The following YAP1 variants were observed in gnomAD, a reference collection of about 807,000 sequenced individuals.
The protein encoded by YAP1 is transcriptional coactivator YAP1.
A neutral mutation model predicts 56.9 loss-of-function variants in YAP1; 5 were observed. The observed-to-expected ratio is 0.09, with a 90% CI of 0.05 to 0.18. The LOEUF is 0.18. YAP1 is among the 10% of genes least tolerant of loss of function. YAP1 has a pLI of 1.00. For synonymous variants in YAP1, 265 were observed against 248.1 expected (o/e 1.07, Z -0.64); for missense variants, 539 against 651.8 (o/e 0.83, Z 1.88).
At chr11:102,148,531 A>G (rs888729707) in intron 2 of YAP1, among the ~76,000 whole-genome samples, 1 of 152,190 alleles carries the variant, frequency 6.6e-6, no homozygotes, top group African/African-American at 2.4e-5. Flanking sequence ...TTTGGATGGC[A>G]TTAATGTGCC....
intron 5 of YAP1, 25 bp downstream of exon 5, chr11:102,206,099 C>A (rs1241195302): frequency 1.3e-6 from 2 of 1,590,448 alleles, no homozygotes; most frequent in Non-Finnish European, 1.7e-6. Context: ...TAGAAACCAG[C>A]CTTCCACTTT....
intron 2 of YAP1, among the ~76,000 whole-genome samples, chr11:102,156,183 A>G (rs2135373014): frequency 6.6e-6 from 1 of 152,322 alleles, no homozygotes; most frequent in South Asian, 2.1e-4. Flanking sequence ...TTTGTTCAGG[A>G]ATGTCAGTTT....
chr11:102,162,319 G>T, intron 2 of YAP1, 137 bp from the exon 3 acceptor site: 1 of 643,524 alleles, frequency 1.6e-6, no homozygotes, highest in South Asian at 2.0e-5. Context: ...GAGGGAGGCT[G>T]GTGGGAGCAG....
chr11:102,228,566 C>CGGA (rs1386734528), intron 8 of YAP1, among the ~76,000 whole-genome samples: 2 of 131,612 alleles, frequency 1.5e-5, no homozygotes, highest in Admixed American at 9.2e-5. Context: ...ACCCGGGAGG[C>CGGA]GGAGGTTGCA....
In YAP1 at chr11:102,229,784, G is replaced by C. The variant is rs1469411940; in HGVS notation, c.1359G>C (p.Val453=). 1 of 1,614,124 alleles carries C rather than the reference G, an allele frequency of 6.2e-7. No individual in the cohort carries two copies. The highest frequency in any genetic ancestry group is 1.7e-5 in the Admixed American group (1 of 60,018). The change falls in exon 9 of 9, where the codon GTG becomes GTC. Residue 453 remains valine (V), a synonymous_variant. Coordinates refer to ENST00000282441, the MANE Select transcript of YAP1 (RefSeq NM_001130145.3). ...TTGAAGCCATTCCTGGGACAAATGT[G>C]GACCTTGGAACACTGGAAGGAGATG... ...DYLEAIPGTN[V]DLGTLEGDGM... is the part of the protein sequence containing the mutation.
chr11:102,175,475 A>C (rs1396356334), intron 3 of YAP1, among the ~76,000 whole-genome samples: 1 of 152,222 alleles, frequency 6.6e-6, no homozygotes, highest in Non-Finnish European at 1.5e-5. Context: ...ATTTTCCCAT[A>C]TTCGGCTTAT....
chr11:102,175,423 C>G (rs1191502743), intron 3 of YAP1, among the ~76,000 whole-genome samples: 1 of 152,052 alleles, frequency 6.6e-6, no homozygotes, highest in Non-Finnish European at 1.5e-5. Flanking sequence ...TTTCTTTTAC[C>G]AAAACTTGAT....
rs747081306 is a variant in YAP1, at chr11:102,110,881, G to A, written c.33G>A (p.Pro11=). The A allele has an allele frequency of 5.6e-6, 8 of 1,420,554 alleles. No individual in the cohort carries two copies. In the South Asian group the frequency reaches 1.0e-4, roughly 18 times the overall value. The allele number at this position is 1,420,554 out of a possible 1,614,324, so 88.0% of individuals were successfully genotyped here. MDPGQQPPPQ[P]APQGQGQPPS... is the part of the protein sequence containing the mutation. The stretch of plus-strand genomic sequence containing the variant: ...CCGGGCAGCAGCCGCCGCCTCAACC[G>A]GCCCCCCAGGGCCAAGGGCAGCCGC... The change falls in exon 1 of 9, where the codon CCG becomes CCA. Residue 11 remains proline (P), a synonymous_variant. Coordinates refer to ENST00000282441, the MANE Select transcript of YAP1 (RefSeq NM_001130145.3).
At chr11:102,198,702 C>T (rs186102764) in intron 4 of YAP1, among the ~76,000 whole-genome samples, 194 of 152,122 alleles carry the variant, frequency 1.3e-3, no homozygotes, top group African/African-American at 4.4e-3. Flanking sequence ...CCTCAATTTA[C>T]GACATGTTCA....
intron 6 of YAP1, among the ~76,000 whole-genome samples, chr11:102,222,240 A>G (rs1437749083): frequency 6.6e-6 from 1 of 152,178 alleles, no homozygotes; most frequent in East Asian, 1.9e-4. Flanking sequence ...AGGATGACGG[A>G]GTCAGGCCAG....
intron 2 of YAP1, among the ~76,000 whole-genome samples, chr11:102,160,911 A>T (rs571608314): frequency 6.6e-6 from 1 of 152,234 alleles, no homozygotes; most frequent in Non-Finnish European, 1.5e-5. Flanking sequence ...CTTCCTCTTG[A>T]AAAAACAAGA....
At chr11:102,135,326 A>G (rs1337113432) in intron 2 of YAP1, among the ~76,000 whole-genome samples, 1 of 152,202 alleles carries the variant, frequency 6.6e-6, no homozygotes, top group Admixed American at 6.5e-5. Flanking sequence ...TATCTTACAA[A>G]TTTGTGAATT....
At chr11:102,173,963 T>TA (rs1258949104) in intron 3 of YAP1, among the ~76,000 whole-genome samples, 24 of 152,350 alleles carry the variant, frequency 1.6e-4, no homozygotes, top group African/African-American at 5.8e-4. Flanking sequence ...TAGTGCTTCT[T>TA]AATTTGTAAT....
rs2135733789 is a variant in YAP1, at chr11:102,231,000, T to TTA, written c.*1064_*1065dup. Reference sequence around the variant, plus strand: ...GCATTTAGAATACATGACTAGTAGTTTATATTTCACTGGTAGTTTAAATCT... The same window carrying TTA: ...GCATTTAGAATACATGACTAGTAGTTTATATATTTCACTGGTAGTTTAAATCT... On this transcript the variant is annotated 3_prime_UTR_variant, in exon 9 of 9. Coordinates refer to ENST00000282441, the MANE Select transcript of YAP1 (RefSeq NM_001130145.3). 1 of 152,352 alleles carries TTA rather than the reference T, an allele frequency of 6.6e-6. No individual in the cohort carries two copies. The highest frequency in any genetic ancestry group is 2.1e-4 in the South Asian group (1 of 4,830). The allele number at this position is 152,352 out of a possible 1,614,324, so 9.4% of individuals were successfully genotyped here.
Position 102,189,267 on chromosome 11 carries a change from A to G in YAP1, c.802+3136A>G, listed in dbSNP as rs148761952. 5.3e-5 allele frequency among the ~76,000 whole-genome samples: 8 copies of G among 152,224 alleles called. No homozygotes were observed. In the East Asian group the frequency reaches 1.5e-3, roughly 29 times the overall value. On this transcript the variant is annotated intron_variant, in intron 4 of 8. Coordinates refer to ENST00000282441, the MANE Select transcript of YAP1 (RefSeq NM_001130145.3). ...TTGTATGTTGTAGATCTATTACTGT[A>G]TATAATACAGTCATGGACATTTTCC...
chr11:102,128,823 ATTTCCAAGTTCTTCATC>A (rs1944197347), intron 2 of YAP1, among the ~76,000 whole-genome samples: 1 of 152,176 alleles, frequency 6.6e-6, no homozygotes. Flanking sequence ...TTCGTTTGCC[ATTTCCAAGTTCTTCATC>A]TAGTTAATAT....
intron 2 of YAP1, among the ~76,000 whole-genome samples, chr11:102,123,293 C>T (rs1943799580): frequency 1.3e-5 from 2 of 152,060 alleles, no homozygotes; most frequent in Non-Finnish European, 1.5e-5. Flanking sequence ...TTTTGCCCAC[C>T]TTGGAGCTAT....
chr11:102,190,378 C>T (rs1031473196), intron 4 of YAP1, among the ~76,000 whole-genome samples: 4 of 152,186 alleles, frequency 2.6e-5, no homozygotes, highest in African/African-American at 7.2e-5. Flanking sequence ...TGCCTGTAAT[C>T]CCAGCACTTT....
At position 102,192,851 on chromosome 11, in the gene YAP1, A is replaced by G. The variant is rs923844631; in HGVS notation, c.802+6720A>G. Among the ~76,000 whole-genome samples, 5 of 152,246 alleles carry G rather than the reference A, an allele frequency of 3.3e-5. No homozygotes were observed. The East Asian group carries it at 5.8e-4, about 18-fold the overall frequency. ...GTGGAATTACTTTTGAAGAGGAGAC[A>G]GGGAAATCTTCCAGCCTTTAATCTA... On this transcript the variant is annotated intron_variant, in intron 4 of 8. Coordinates refer to ENST00000282441, the MANE Select transcript of YAP1 (RefSeq NM_001130145.3).
Sources: gnomAD v4.1 joint callset for allele counts (sites outside exome capture counted in the v4.1 genomes callset) on GRCh38, gnomAD v4.1.1 for gene constraint, MANE v1.5 for transcripts, NCBI Gene and HGNC (gene_info 2026-07-23, HGNC 2026-07-21) for gene names.